The following GSTZ1 variants were observed in gnomAD, a reference collection of about 807,000 sequenced individuals.
The protein encoded by GSTZ1 is glutathione S-transferase zeta 1, also known as maleylacetoacetate isomerase.
In GSTZ1, 34 loss-of-function variants were observed where a neutral mutation model predicts 35.9. The observed-to-expected ratio is 0.95, with a 90% CI of 0.72 to 1.26. GSTZ1 has a LOEUF of 1.26. Among genes scored for constraint, GSTZ1 ranks in the 50% most tolerant of loss-of-function variants. The pLI is 0.00. For missense variants in GSTZ1, 263 were observed against 271.7 expected, an observed-to-expected ratio of 0.97 and a Z score of 0.23; for synonymous variants, 93 against 101.2, an observed-to-expected ratio of 0.92 and a Z score of 0.49.
intron 6 of GSTZ1, 131 bp from the exon 7 acceptor site, chr14:77,329,624 T>C: frequency 1.3e-6 from 1 of 741,064 alleles, no homozygotes; most frequent in Non-Finnish European, 2.4e-6. Context: ...GCTGCCACAT[T>C]CTCACCAGCA....
chr14:77,322,535 G>A (rs762223893), intron 1 of GSTZ1: 3 of 951,800 alleles, frequency 3.2e-6, no homozygotes, highest in Non-Finnish European at 3.8e-6. Context: ...ATTAATGTCT[G>A]CCACACTCTA....
chr14:77,329,078 C>G, intron 5 of GSTZ1, 45 bp from the exon 6 acceptor site: 2 of 1,367,684 alleles, frequency 1.5e-6, no homozygotes, highest in South Asian at 1.2e-5. Context: ...GGGTAGCCCC[C>G]ACCCAGCTGT....
chr14:77,325,336 A>G (rs991906001), intron 2 of GSTZ1: 2 of 218,606 alleles, frequency 9.1e-6, no homozygotes, highest in Non-Finnish European at 1.9e-5. Flanking sequence ...AAAAGCAGAA[A>G]CAAGGGCCCT....
At chr14:77,326,816 C>G (rs756442125) in intron 2 of GSTZ1, 22 bp from the exon 3 acceptor site, 12 of 1,569,000 alleles carry the variant, frequency 7.6e-6, no homozygotes, top group Middle Eastern at 1.7e-4. Flanking sequence ...TCTTTGACTC[C>G]GCTATGTGCG....
intron 3 of GSTZ1, 53 bp from the exon 4 acceptor site, chr14:77,327,419 C>T: frequency 8.6e-7 from 1 of 1,161,576 alleles, no homozygotes; most frequent in South Asian, 1.3e-5. Context: ...CTTGGCTTTC[C>T]TCTGGCCAAC....
chr14:77,324,792 G>A, intron 1 of GSTZ1, 78 bp from the exon 2 acceptor site: 1 of 1,411,828 alleles, frequency 7.1e-7, no homozygotes, highest in Non-Finnish European at 1.0e-6. Context: ...GGCAGGACAG[G>A]AAGAAATGGT....
chr14:77,328,848 T>G (rs1232133052), intron 5 of GSTZ1: 3 of 509,626 alleles, frequency 5.9e-6, no homozygotes, highest in African/African-American at 5.8e-5. Context: ...GGCCGCGTCC[T>G]GTGTCACATG....
intron 1 of GSTZ1, 67 bp downstream of exon 1, chr14:77,321,250 A>G (rs1364476942): frequency 3.3e-6 from 5 of 1,532,830 alleles, no homozygotes; most frequent in Non-Finnish European, 4.4e-6. Flanking sequence ...GGGCGGGGTC[A>G]GAAGTGAGCT....
At chr14:77,327,801 A>T (rs1463520201) in intron 4 of GSTZ1, 111 bp from the exon 5 acceptor site, 1 of 1,035,278 alleles carries the variant, frequency 9.7e-7, no homozygotes. Flanking sequence ...GCAGGGGGGA[A>T]GAGGTGTAGT....
Position 77,329,063 on chromosome 14 carries a change from C to T in GSTZ1, c.343-60C>T, listed in dbSNP as rs8177566. ...AGTGAACTTCCCTGAGGGGGTTTGGCGAAGGGGTAGCCCCCACCCAGCTGT... is the reference window on the plus strand; with the variant it reads ...AGTGAACTTCCCTGAGGGGGTTTGGTGAAGGGGTAGCCCCCACCCAGCTGT... On this transcript the variant is annotated intron_variant, in intron 5 of 8. Coordinates refer to ENST00000216465, the MANE Select transcript of GSTZ1 (RefSeq NM_145870.3). 1.6e-4 allele frequency: 193 copies of T among 1,221,678 alleles called. No homozygotes were observed. In the East Asian group the frequency reaches 4.2e-3, roughly 27 times the overall value. The allele number at this position is 1,221,678 out of a possible 1,614,324, so 75.7% of individuals were successfully genotyped here. A position where few individuals can be genotyped will look rare whatever the true frequency, so the allele number is the denominator to read the frequency against.
chr14:77,324,417 A>G, intron 1 of GSTZ1: 1 of 636,202 alleles, frequency 1.6e-6, no homozygotes, highest in South Asian at 1.7e-5. Flanking sequence ...AAGTGCTGGG[A>G]TTACAGGCGT....
At chr14:77,325,135 T>A in intron 2 of GSTZ1, 1 of 574,572 alleles carries the variant, frequency 1.7e-6, no homozygotes, top group Non-Finnish European at 3.1e-6. Context: ...GGGGGTTGTT[T>A]TTTCCCTTGG....
rs867664809 is a variant in GSTZ1 at position 77,321,303 on chromosome 14, C to G, written c.15+120C>G. 29 of 1,528,022 alleles carry G rather than the reference C, an allele frequency of 1.9e-5. No homozygotes were observed. In the African/African-American group the frequency reaches 3.0e-4, roughly 16 times the overall value. 94.7% of individuals were successfully genotyped at this position (1,528,022 alleles called of 1,614,324 possible). ...CGACAACGACTCCCGGCATGCAGTG[C>G]TTTGCGCCGGGCACGCTCTGCGCCT... On this transcript the variant is annotated intron_variant, in intron 1 of 8. Coordinates refer to ENST00000216465, the MANE Select transcript of GSTZ1 (RefSeq NM_145870.3).
rs1255966417 is a variant in GSTZ1 at position 77,327,520 on chromosome 14, C to T, written c.184C>T (p.Leu62=). The change falls in exon 4 of 9, where the codon CTG becomes TTG. Residue 62 remains leucine, a synonymous_variant. Transcript: ENST00000216465. ...ALNPMKQVPT[L]KIDGITIHQS... ...GAATCCTATGAAGCAGGTGCCAACCCTGAAGATTGATGGAATCACCATTCA... is the reference window on the plus strand; with the variant it reads ...GAATCCTATGAAGCAGGTGCCAACCTTGAAGATTGATGGAATCACCATTCA... 6.2e-7 allele frequency: 1 copy of T among 1,608,566 alleles called. No homozygotes were observed. The highest frequency in any genetic ancestry group is 8.5e-7 in the Non-Finnish European group (1 of 1,176,990).
Position 77,321,108 on chromosome 14 carries a change from G to C in GSTZ1, c.-61G>C, listed in dbSNP as rs998361555. On this transcript the variant is annotated 5_prime_UTR_variant, in exon 1 of 9. Transcript: ENST00000216465. ...CGTCGAGTCTCACTGAGCCTTAGTC[G>C]TCGGCAGGTCCCAGGCGCGAAGTTT... 1.4e-6 allele frequency: 2 copies of C among 1,432,196 alleles called. No homozygotes were observed. The highest frequency in any genetic ancestry group is 1.8e-6 in the Non-Finnish European group (2 of 1,084,208). 88.7% of individuals were successfully genotyped at this position (1,432,196 alleles called of 1,614,324 possible).
At chr14:77,322,259 G>A (rs1461757642) in intron 1 of GSTZ1, among the ~76,000 whole-genome samples, 1 of 152,194 alleles carries the variant, frequency 6.6e-6, no homozygotes, top group Non-Finnish European at 1.5e-5. Context: ...TGGAAACACA[G>A]GTCTTCTAGG....
chr14:77,329,856 C>A, intron 7 of GSTZ1, 49 bp downstream of exon 7: 1 of 1,373,984 alleles, frequency 7.3e-7, no homozygotes, highest in Non-Finnish European at 1.0e-6. Flanking sequence ...GGCTGCCTCC[C>A]TCATGCTGAC....
intron 1 of GSTZ1, chr14:77,322,832 G>A (rs1892099222): frequency 2.7e-6 from 1 of 364,446 alleles, no homozygotes; most frequent in Non-Finnish European, 3.8e-6. Context: ...TGAGTTGGTA[G>A]TACAGGGATG....
chr14:77,328,136 G>T, intron 5 of GSTZ1, 99 bp downstream of exon 5: 2 of 1,194,690 alleles, frequency 1.7e-6, no homozygotes, highest in Non-Finnish European at 2.4e-6. Context: ...GGTGTCAAGG[G>T]AGGGAGGGGG....
Sources: allele counts gnomAD v4.1 joint callset (sites outside exome capture counted in the v4.1 genomes callset), GRCh38; gene constraint gnomAD v4.1.1; transcripts MANE v1.5; gene names NCBI Gene and HGNC (gene_info 2026-07-23, HGNC 2026-07-21).